Variants in GALNTL6 observed in about 807,000 individuals in gnomAD.
The protein encoded by GALNTL6 is polypeptide N-acetylgalactosaminyltransferase-like 6.
In GALNTL6, 46 loss-of-function variants were observed where a neutral mutation model predicts 73.7. That is an observed-to-expected ratio of 0.62 (90% CI 0.49 to 0.80). The LOEUF (loss-of-function observed/expected upper bound fraction) is 0.80, where lower values mean the gene tolerates loss of function less well. Ranked by LOEUF, GALNTL6 falls within the 30% of genes least tolerant of loss-of-function variation. The pLI, the probability that GALNTL6 is intolerant of heterozygous loss-of-function variation, is 0.00. For missense variants in GALNTL6, 604 were observed against 755.0 expected (o/e 0.80, Z 2.34); for synonymous variants, 259 against 263.7 (o/e 0.98, Z 0.17).
chr4:172,116,224 T>G (rs1732980181), intron 2 of GALNTL6, among the ~76,000 whole-genome samples: 1 of 152,164 alleles, frequency 6.6e-6, no homozygotes, highest in Non-Finnish European at 1.5e-5. Flanking sequence ...AACAAACAGC[T>G]AATGTGTTAG....
intron 7 of GALNTL6, among the ~76,000 whole-genome samples, chr4:172,871,925 C>G (rs1744966785): frequency 6.6e-6 from 1 of 151,982 alleles, no homozygotes; most frequent in African/African-American, 2.4e-5. Context: ...CTCCGATTAG[C>G]TGGGATTACA....
At chr4:172,397,912 G>A (rs1263499251) in intron 5 of GALNTL6, among the ~76,000 whole-genome samples, 2 of 151,970 alleles carry the variant, frequency 1.3e-5, no homozygotes, top group African/African-American at 4.8e-5. Flanking sequence ...AAATATAATT[G>A]TTGCCAGTAT....
chr4:172,153,903 C>T (rs534060775), intron 2 of GALNTL6, among the ~76,000 whole-genome samples: 1 of 152,214 alleles, frequency 6.6e-6, no homozygotes, highest in Non-Finnish European at 1.5e-5. Flanking sequence ...CTTGACCTTT[C>T]AAGGAGGCGT....
At chr4:171,881,906 T>G (rs928338886) in intron 2 of GALNTL6, among the ~76,000 whole-genome samples, 1 of 152,212 alleles carries the variant, frequency 6.6e-6, no homozygotes, top group African/African-American at 2.4e-5. Flanking sequence ...TTCAATGAGA[T>G]CCATATGTGA....
Position 172,363,352 on chromosome 4 carries a change from C to CA in GALNTL6, c.553+14664dup, listed in dbSNP as rs773468669. Among the ~76,000 whole-genome samples the CA allele has an allele frequency of 4.6e-5, 7 of 152,274 alleles. No homozygotes were observed. The South Asian group carries it at 8.3e-4, about 18-fold the overall frequency. On this transcript the variant is annotated intron_variant, in intron 5 of 12. Coordinates refer to ENST00000506823, the MANE Select transcript of GALNTL6 (RefSeq NM_001034845.3). ...CCTGAAACCCTCCCACCTGCCACGT[C>CA]AGGCTACGCCATTTACTGTGTGGCC...
intron 5 of GALNTL6, among the ~76,000 whole-genome samples, chr4:172,377,900 A>AT (rs1034063660): frequency 1.5e-4 from 23 of 150,124 alleles, no homozygotes; most frequent in Admixed American, 7.9e-4. Context: ...GCAGCACCAG[A>AT]TCCCCCCCCC....
At chr4:172,228,789 A>C (rs528628089) in intron 2 of GALNTL6, among the ~76,000 whole-genome samples, 3 of 152,364 alleles carry the variant, frequency 2.0e-5, no homozygotes, top group East Asian at 3.9e-4. Context: ...TTTATTCAAA[A>C]TGATTATTGT....
chr4:171,906,778 T>C (rs1190625917), intron 2 of GALNTL6, among the ~76,000 whole-genome samples: 1 of 152,044 alleles, frequency 6.6e-6, no homozygotes, highest in African/African-American at 2.4e-5. Flanking sequence ...CAGCAGCACA[T>C]CAAAAAGCTT....
At chr4:172,222,824 C>A (rs1736729465) in intron 2 of GALNTL6, among the ~76,000 whole-genome samples, 1 of 151,802 alleles carries the variant, frequency 6.6e-6, no homozygotes, top group Admixed American at 6.6e-5. Context: ...CAAGTTTATA[C>A]CAATAAGAGA....
intron 5 of GALNTL6, among the ~76,000 whole-genome samples, chr4:172,450,173 C>T (rs889894672): frequency 6.6e-5 from 10 of 150,672 alleles, no homozygotes; most frequent in Admixed American, 2.7e-4. Flanking sequence ...GCCAAGATCA[C>T]GTCGCTGCAC....
chr4:173,035,257 C>A (rs1404081292), intron 12 of GALNTL6, among the ~76,000 whole-genome samples: 4 of 151,742 alleles, frequency 2.6e-5, no homozygotes, highest in Admixed American at 2.6e-4. Context: ...CGGCTCACCG[C>A]AACCTCCGCC....
intron 2 of GALNTL6, among the ~76,000 whole-genome samples, chr4:171,974,299 T>C (rs2111069300): frequency 6.6e-6 from 1 of 152,306 alleles, no homozygotes; most frequent in South Asian, 2.1e-4. Flanking sequence ...TTATTAAGAA[T>C]TGAACCAGTT....
chr4:171,826,369 T>C (rs897893271), intron 2 of GALNTL6, among the ~76,000 whole-genome samples: 1 of 152,186 alleles, frequency 6.6e-6, no homozygotes, highest in African/African-American at 2.4e-5. Flanking sequence ...AGCTTTAAGA[T>C]AAATATGGAA....
chr4:172,819,352 A>G (rs756488143), intron 7 of GALNTL6, among the ~76,000 whole-genome samples: 3 of 152,270 alleles, frequency 2.0e-5, no homozygotes, highest in Non-Finnish European at 4.4e-5. Flanking sequence ...TTCTTAGGCA[A>G]CAAATATAAC....
intron 5 of GALNTL6, among the ~76,000 whole-genome samples, chr4:172,432,480 C>G (rs1022484730): frequency 3.3e-5 from 5 of 151,976 alleles, no homozygotes; most frequent in African/African-American, 1.2e-4. Flanking sequence ...ACATTGAGCA[C>G]AGAAACCTCA....
intron 2 of GALNTL6, among the ~76,000 whole-genome samples, chr4:172,072,253 T>C (rs1731566861): frequency 6.6e-6 from 1 of 152,162 alleles, no homozygotes; most frequent in Non-Finnish European, 1.5e-5. Flanking sequence ...TTTTTTTTCT[T>C]TTAACCAATA....
At chr4:172,876,199 C>A (rs965348466) in intron 7 of GALNTL6, among the ~76,000 whole-genome samples, 2 of 152,110 alleles carry the variant, frequency 1.3e-5, no homozygotes, top group Admixed American at 1.3e-4. Context: ...TCTTATAAAA[C>A]CTTTTAAACC....
intron 2 of GALNTL6, among the ~76,000 whole-genome samples, chr4:171,830,270 T>C (rs1734932276): frequency 6.6e-6 from 1 of 152,140 alleles, no homozygotes. Flanking sequence ...TCCTGAACTG[T>C]GGAAGAATTA....
intron 2 of GALNTL6, among the ~76,000 whole-genome samples, chr4:172,117,464 T>C (rs2110990547): frequency 6.6e-6 from 1 of 152,294 alleles, no homozygotes; most frequent in Non-Finnish European, 1.5e-5. Flanking sequence ...TCTTCCCCTA[T>C]TAGATAGGAG....
Sources: gnomAD v4.1 joint callset for allele counts (sites outside exome capture counted in the v4.1 genomes callset) on GRCh38, gnomAD v4.1.1 for gene constraint, MANE v1.5 for transcripts, NCBI Gene and HGNC (gene_info 2026-07-23, HGNC 2026-07-21) for gene names.